Variants in ANKRD6 observed in about 807,000 individuals in gnomAD.
ANKRD6 encodes ankyrin repeat domain 6.
A neutral mutation model predicts 82.3 loss-of-function variants in ANKRD6; 56 were observed. That is an observed-to-expected ratio of 0.68 (90% CI 0.55 to 0.85). The LOEUF (loss-of-function observed/expected upper bound fraction) is 0.85. ANKRD6 is among the 40% of genes least tolerant of loss of function. The pLI is 0.00. For synonymous variants in ANKRD6, 347 were observed against 352.1 expected, an observed-to-expected ratio of 0.99 and a Z score of 0.16; for missense variants, 852 against 907.6, an observed-to-expected ratio of 0.94 and a Z score of 0.79.
At chr6:89,591,678 A>G (rs866087821) in intron 2 of ANKRD6, among the ~76,000 whole-genome samples, 10 of 152,326 alleles carry the variant, frequency 6.6e-5, no homozygotes, top group Admixed American at 4.6e-4. Flanking sequence ...TTACTACAGA[A>G]TGTTCTGGAA....
At chr6:89,489,313 C>T (rs1365703356) in intron 1 of ANKRD6, among the ~76,000 whole-genome samples, 1 of 152,156 alleles carries the variant, frequency 6.6e-6, no homozygotes, top group African/African-American at 2.4e-5. Context: ...AGTTTGAGTG[C>T]CCCTGAATCA....
intron 1 of ANKRD6, among the ~76,000 whole-genome samples, chr6:89,564,411 T>C (rs1417744401): frequency 3.3e-5 from 5 of 152,212 alleles, no homozygotes; most frequent in Non-Finnish European, 7.3e-5. Flanking sequence ...GGAAAATTAA[T>C]GTGGGCTGTG....
chr6:89,443,255 G>A (rs1451281561), intron 1 of ANKRD6, among the ~76,000 whole-genome samples: 1 of 152,136 alleles, frequency 6.6e-6, no homozygotes, highest in African/African-American at 2.4e-5. Context: ...GGTTTCTTTG[G>A]AATTCTTTGA....
chr6:89,506,594 C>T (rs1321312784), intron 1 of ANKRD6, among the ~76,000 whole-genome samples: 4 of 152,142 alleles, frequency 2.6e-5, no homozygotes, highest in Admixed American at 6.5e-5. Context: ...AGATTACAGG[C>T]GTAAGCCACC....
intron 2 of ANKRD6, among the ~76,000 whole-genome samples, 193 bp downstream of exon 2, chr6:89,567,289 T>G (rs1788737745): frequency 6.6e-6 from 1 of 152,240 alleles, no homozygotes; most frequent in African/African-American, 2.4e-5. Flanking sequence ...AACTTGTAAT[T>G]AGCATTTGAC....
chr6:89,477,731 A>T lies in ANKRD6; in HGVS notation c.-144+44356A>T, dbSNP rs552556694. Among the ~76,000 whole-genome samples the T allele has an allele frequency of 3.3e-5, 5 of 149,722 alleles. No individual in the cohort carries two copies. The East Asian group carries it at 9.9e-4, about 30-fold the overall frequency. On this transcript the variant is annotated intron_variant, in intron 1 of 15. Transcript: ENST00000339746. ...GCTTGCAGTGAGCCGAGATTGTGCC[A>T]CTGCACTCCACCCTGGGCGACAGAG...
At chr6:89,456,149 C>A (rs1773483276) in intron 1 of ANKRD6, among the ~76,000 whole-genome samples, 1 of 152,138 alleles carries the variant, frequency 6.6e-6, no homozygotes, top group Non-Finnish European at 1.5e-5. Flanking sequence ...TTAAGTATTT[C>A]TTTATAGCAG....
chr6:89,627,681 G>A lies in ANKRD6; in HGVS notation c.1470G>A (p.Glu490=), dbSNP rs200210398. 5 of 1,613,724 alleles carry A rather than the reference G, an allele frequency of 3.1e-6. No individual in the cohort carries two copies. Among genetic ancestry groups the A allele is most frequent in the African/African-American group, 1.3e-5 (1 of 74,940 alleles). Residue 490 remains glutamate (E), a synonymous_variant, in exon 14 of 16, where the codon GAG becomes GAA. Coordinates refer to ENST00000339746, the MANE Select transcript of ANKRD6 (RefSeq NM_001242809.2). The part of the protein sequence containing the change: ...LQQHSDTEKH[E]GEKRQISLVD... The stretch of plus-strand genomic sequence containing the variant: ...AGCACTCAGACACAGAGAAGCATGA[G>A]GGGGAGAAACGACAGGTAGGAACCA...
chr6:89,627,218 G>A (rs1179440047), intron 13 of ANKRD6, among the ~76,000 whole-genome samples: 2 of 151,698 alleles, frequency 1.3e-5, no homozygotes, highest in East Asian at 1.9e-4. Context: ...CACCACACCC[G>A]GCTAATTTTT....
At chr6:89,439,935 G>A (rs1771155272) in intron 1 of ANKRD6, among the ~76,000 whole-genome samples, 1 of 152,132 alleles carries the variant, frequency 6.6e-6, no homozygotes, top group Admixed American at 6.6e-5. Flanking sequence ...GACCTCAAGT[G>A]ATCTGCCCAC....
rs1380302464 is a variant in ANKRD6, at chr6:89,433,315, C to T, written c.-204C>T. The T allele has an allele frequency of 2.0e-5, 3 of 152,216 alleles. No homozygotes were observed. Among genetic ancestry groups the T allele is most frequent in the African/African-American group, 7.2e-5 (3 of 41,436 alleles). 9.4% of individuals were successfully genotyped at this position (152,216 alleles called of 1,614,324 possible). On this transcript the variant is annotated 5_prime_UTR_variant, in exon 1 of 16. Transcript: ENST00000339746. The surrounding 1 kb of genome is among the most constrained non-coding windows in gnomAD (Gnocchi z 4.3). ...AGCCAGTCCCCGTCTTCGCCCCTCG[C>T]CCCCCACCGTGTCGCCGGCCTTGGT...
chr6:89,558,678 T>C (rs1043105104), intron 1 of ANKRD6, among the ~76,000 whole-genome samples: 5 of 152,138 alleles, frequency 3.3e-5, no homozygotes, highest in African/African-American at 1.2e-4. Context: ...TCAAAACCCA[T>C]GGAACTGTAC....
chr6:89,573,665 A>T (rs549749127), intron 2 of ANKRD6, among the ~76,000 whole-genome samples: 12 of 151,806 alleles, frequency 7.9e-5, no homozygotes, highest in Non-Finnish European at 1.3e-4. Context: ...CATGTCTGAA[A>T]CTCCTTATTC....
chr6:89,487,666 C>A (rs535523200), intron 1 of ANKRD6, among the ~76,000 whole-genome samples: 1 of 152,192 alleles, frequency 6.6e-6, no homozygotes, highest in South Asian at 2.1e-4. Flanking sequence ...TAAAGCATTT[C>A]GCCATCAAAT....
intron 2 of ANKRD6, among the ~76,000 whole-genome samples, chr6:89,576,535 A>G (rs998694759): frequency 6.6e-6 from 1 of 152,146 alleles, no homozygotes; most frequent in African/African-American, 2.4e-5. Context: ...TCCTTTCACC[A>G]AAGTCACCTT....
chr6:89,491,985 ACC>A (rs1562628184), intron 1 of ANKRD6, among the ~76,000 whole-genome samples: 1 of 152,050 alleles, frequency 6.6e-6, no homozygotes, highest in Non-Finnish European at 1.5e-5. Context: ...TCTTCATCAT[ACC>A]CAGCATAAAA....
chr6:89,493,633 G>A (rs990166547), intron 1 of ANKRD6, among the ~76,000 whole-genome samples: 1 of 151,772 alleles, frequency 6.6e-6, no homozygotes, highest in Admixed American at 6.6e-5. Context: ...GGCTGGTCTC[G>A]AACTCCTGGG....
At chr6:89,506,469 C>T (rs986550478) in intron 1 of ANKRD6, among the ~76,000 whole-genome samples, 4 of 152,032 alleles carry the variant, frequency 2.6e-5, no homozygotes, top group Non-Finnish European at 5.9e-5. Context: ...CGTGTGTTAC[C>T]GTGCCAGGCT....
At chr6:89,590,756 G>C (rs571007534) in intron 2 of ANKRD6, among the ~76,000 whole-genome samples, 1 of 152,050 alleles carries the variant, frequency 6.6e-6, no homozygotes, top group Non-Finnish European at 1.5e-5. Context: ...GATGGCTGAC[G>C]GGGTGAATCC....
Sources: gnomAD v4.1 joint callset for allele counts (sites outside exome capture counted in the v4.1 genomes callset) on GRCh38, gnomAD v4.1.1 for gene constraint, Gnocchi (gnomAD v3.1) non-coding constraint, MANE v1.5 for transcripts, NCBI Gene and HGNC (gene_info 2026-07-23, HGNC 2026-07-21) for gene names.